SYNDIG1: variants seen among roughly 807,000 people sequenced by gnomAD.
SYNDIG1 encodes the protein synapse differentiation-inducing gene protein 1.
Under a neutral mutation model 19.4 loss-of-function variants are expected in SYNDIG1, and 9 were observed. The observed-to-expected ratio is 0.46, with a 90% CI of 0.28 to 0.81. The LOEUF (loss-of-function observed/expected upper bound fraction) is 0.81, where lower values mean the gene tolerates loss of function less well. SYNDIG1 is among the 30% of genes least tolerant of loss of function. The pLI, the probability that SYNDIG1 is intolerant of heterozygous loss-of-function variation, is 0.12. For synonymous variants in SYNDIG1, 141 were observed against 145.9 expected, an observed-to-expected ratio of 0.97 and a Z score of 0.24; for missense variants, 311 against 343.3, an observed-to-expected ratio of 0.91 and a Z score of 0.74.
In SYNDIG1 at chr20:24,563,794, A is replaced by G. The variant is rs1309053447; in HGVS notation, c.480+20217A>G. Among the ~76,000 whole-genome samples, 2 of 152,052 alleles carry G rather than the reference A, an allele frequency of 1.3e-5. 1 individual carries two copies. Among genetic ancestry groups the G allele is most frequent in the African/African-American group, 4.8e-5 (2 of 41,386 alleles). ...TTTTTGTATTTGTTTTTTTGTAGAG[A>G]CAGGGTCTGTGTTACCCAGGCTGAT... On this transcript the variant is annotated intron_variant, in intron 2 of 3. Transcript: ENST00000376862.
intron 1 of SYNDIG1, among the ~76,000 whole-genome samples, chr20:24,504,992 G>C (rs1179746131): frequency 6.6e-6 from 1 of 152,162 alleles, no homozygotes; most frequent in Non-Finnish European, 1.5e-5. Context: ...GAATCAGTAG[G>C]ACTTGTTGAT....
chr20:24,607,373 A>G (rs1177096105), intron 3 of SYNDIG1, among the ~76,000 whole-genome samples: 1 of 151,756 alleles, frequency 6.6e-6, no homozygotes. Context: ...AAAAAAAAAA[A>G]AAAAAGAATA....
chr20:24,484,996 C>T (rs558510020), intron 1 of SYNDIG1, among the ~76,000 whole-genome samples: 1 of 152,098 alleles, frequency 6.6e-6, no homozygotes, highest in African/African-American at 2.4e-5. Flanking sequence ...GCGCTCCAGC[C>T]AGAGCAGGTT....
intron 1 of SYNDIG1, among the ~76,000 whole-genome samples, chr20:24,515,945 A>G (rs1265983817): frequency 3.9e-5 from 6 of 152,204 alleles, no homozygotes; most frequent in Admixed American, 3.9e-4. Context: ...ACTATACTAC[A>G]AGGCTACAGT....
chr20:24,490,734 G>C (rs79264238), intron 1 of SYNDIG1, among the ~76,000 whole-genome samples: 5,323 of 152,298 alleles, frequency 0.035, 156 homozygotes, highest in African/African-American at 0.069. Flanking sequence ...GCCAAGGCTA[G>C]CACCAGGGAA....
chr20:24,555,575 T>G (rs1207856661), intron 2 of SYNDIG1, among the ~76,000 whole-genome samples: 1 of 152,226 alleles, frequency 6.6e-6, no homozygotes, highest in Non-Finnish European at 1.5e-5. Context: ...CAGTAGTCAT[T>G]CAGGAGCAGG....
At chr20:24,503,961 T>G (rs1033368307) in intron 1 of SYNDIG1, among the ~76,000 whole-genome samples, 3 of 148,902 alleles carry the variant, frequency 2.0e-5, no homozygotes, top group Non-Finnish European at 4.5e-5. Flanking sequence ...AGCAGGTTTT[T>G]TTTTTTTTTT....
Position 24,656,831 on chromosome 20 carries a change from G to A in SYNDIG1, c.619-8515G>A, listed in dbSNP as rs1002015821. Among the ~76,000 whole-genome samples the A allele has an allele frequency of 3.9e-5, 6 of 152,312 alleles. No individual in the cohort carries two copies. In the East Asian group the frequency reaches 5.8e-4, roughly 15 times the overall value. On this transcript the variant is annotated intron_variant, in intron 3 of 3. Transcript: ENST00000376862. ...CCAGGGCCAGATGTTTATCCCCTCC[G>A]AATCTCATATTGAGATGTAACCCCC...
At chr20:24,476,449 C>T (rs1056475212) in intron 1 of SYNDIG1, among the ~76,000 whole-genome samples, 2 of 152,058 alleles carry the variant, frequency 1.3e-5, no homozygotes, top group African/African-American at 2.4e-5. Context: ...GGGCAGATCC[C>T]TTGAGGTCAG....
At chr20:24,623,625 A>G (rs1421163823) in intron 3 of SYNDIG1, among the ~76,000 whole-genome samples, 1 of 152,244 alleles carries the variant, frequency 6.6e-6, no homozygotes, top group Non-Finnish European at 1.5e-5. Context: ...ATCCCAAGAA[A>G]TGAGAAGGGC....
chr20:24,625,219 A>G (rs540244177), intron 3 of SYNDIG1, among the ~76,000 whole-genome samples: 72 of 152,298 alleles, frequency 4.7e-4, no homozygotes, highest in African/African-American at 1.7e-3. Flanking sequence ...AAAAATGTAG[A>G]GAAAAACAAC....
intron 2 of SYNDIG1, among the ~76,000 whole-genome samples, chr20:24,569,406 T>C (rs1166124895): frequency 6.6e-6 from 1 of 152,146 alleles, no homozygotes. Context: ...ATTAATTCAC[T>C]TATAAAGTTC....
At chr20:24,626,185 C>G (rs900384508) in intron 3 of SYNDIG1, among the ~76,000 whole-genome samples, 6 of 133,918 alleles carry the variant, frequency 4.5e-5, no homozygotes, top group Non-Finnish European at 9.3e-5. Flanking sequence ...CCCCACCTCC[C>G]TCCCGGACGG....
At chr20:24,647,344 C>A (rs2147355582) in intron 3 of SYNDIG1, among the ~76,000 whole-genome samples, 1 of 152,290 alleles carries the variant, frequency 6.6e-6, no homozygotes, top group African/African-American at 2.4e-5. Flanking sequence ...TGACACAGGG[C>A]AGTGCATGCG....
chr20:24,526,032 A>G (rs1410427853), intron 1 of SYNDIG1, among the ~76,000 whole-genome samples: 1 of 152,112 alleles, frequency 6.6e-6, no homozygotes, highest in African/African-American at 2.4e-5. Context: ...ACACTGTGCC[A>G]GATTTCTTAT....
At chr20:24,488,378 C>T (rs949443999) in intron 1 of SYNDIG1, among the ~76,000 whole-genome samples, 6 of 152,256 alleles carry the variant, frequency 3.9e-5, no homozygotes, top group African/African-American at 1.4e-4. Context: ...CGCCCAGTGC[C>T]TTGTGGGGTG....
intron 3 of SYNDIG1, among the ~76,000 whole-genome samples, chr20:24,654,685 G>GAAGGAAGA (rs1555817737): frequency 6.6e-6 from 1 of 150,470 alleles, no homozygotes; most frequent in African/African-American, 2.4e-5. Flanking sequence ...AGGAAGGAAG[G>GAAGGAAGA]AAGGAAGGAA....
At chr20:24,486,751 C>T (rs907664029) in intron 1 of SYNDIG1, among the ~76,000 whole-genome samples, 3 of 152,112 alleles carry the variant, frequency 2.0e-5, no homozygotes, top group South Asian at 2.1e-4. Context: ...CTCCACCTCC[C>T]GGGTTCAAGC....
At chr20:24,589,089 G>A (rs1568665891) in intron 3 of SYNDIG1, among the ~76,000 whole-genome samples, 2 of 152,228 alleles carry the variant, frequency 1.3e-5, no homozygotes, top group African/African-American at 2.4e-5. Flanking sequence ...GGATGTGGGT[G>A]TGTGCGATTA....
Sources: allele counts gnomAD v4.1 joint callset (sites outside exome capture counted in the v4.1 genomes callset), GRCh38; gene constraint gnomAD v4.1.1; transcripts MANE v1.5; gene names NCBI Gene and HGNC (gene_info 2026-07-23, HGNC 2026-07-21).